The following KCNQ5 variants were observed in gnomAD, a reference collection of about 807,000 sequenced individuals.
KCNQ5 encodes the protein potassium voltage-gated channel subfamily Q member 5, also known as potassium voltage-gated channel subfamily KQT member 5.
KCNQ5 carries 30 observed loss-of-function variants against 98.2 expected under a neutral mutation model. The observed-to-expected ratio is 0.31, with a 90% CI of 0.23 to 0.41. The LOEUF is 0.41. KCNQ5 is among the 10% of genes least tolerant of loss of function. The pLI is 1.00. For missense variants in KCNQ5, 835 were observed against 1,182.5 expected (o/e 0.71, Z 4.31); for synonymous variants, 458 against 449.4 (o/e 1.02, Z -0.24).
intron 1 of KCNQ5, among the ~76,000 whole-genome samples, chr6:72,945,486 G>T (rs1281557227): frequency 4.4e-5 from 6 of 135,160 alleles, no homozygotes; most frequent in Non-Finnish European, 9.1e-5. Context: ...ACAGAGTCTT[G>T]CTCTGTCACC....
At chr6:72,671,981 TA>T (rs1767137797) in intron 1 of KCNQ5, among the ~76,000 whole-genome samples, 1 of 151,760 alleles carries the variant, frequency 6.6e-6, no homozygotes, top group Admixed American at 6.6e-5. Flanking sequence ...CACGCCTGGC[TA>T]ATTTTTTGTA....
intron 1 of KCNQ5, among the ~76,000 whole-genome samples, chr6:72,976,296 C>T (rs969084814): frequency 1.3e-5 from 2 of 152,166 alleles, no homozygotes; most frequent in South Asian, 2.1e-4. Flanking sequence ...AAAATGATTC[C>T]GGCCAGACAA....
intron 3 of KCNQ5, chr6:73,043,084 C>T (rs145744729): frequency 2.8e-5 from 11 of 393,808 alleles, no homozygotes; most frequent in East Asian, 1.5e-4. Context: ...GGAATTGTTG[C>T]GTAATCTTCT....
intron 10 of KCNQ5, among the ~76,000 whole-genome samples, chr6:73,150,832 A>ATGTGTGTGTG (rs35693535): frequency 5.3e-4 from 79 of 148,216 alleles, no homozygotes; most frequent in East Asian, 9.9e-4. Flanking sequence ...ATATATATAT[A>ATGTGTGTGTG]TGTGTGTGTG....
intron 1 of KCNQ5, among the ~76,000 whole-genome samples, chr6:72,999,123 CTGTGCTTG>C (rs1464788465): frequency 6.6e-6 from 1 of 152,166 alleles, no homozygotes; most frequent in African/African-American, 2.4e-5. Flanking sequence ...CTAAATGAAT[CTGTGCTTG>C]ATGCACTAGT....
At chr6:72,645,434 C>A (rs1765548356) in intron 1 of KCNQ5, among the ~76,000 whole-genome samples, 1 of 150,830 alleles carries the variant, frequency 6.6e-6, no homozygotes, top group Non-Finnish European at 1.5e-5. Flanking sequence ...CAATAAAAAA[C>A]CCCACCAAAT....
At chr6:72,901,981 A>G (rs936278518) in intron 1 of KCNQ5, among the ~76,000 whole-genome samples, 2 of 152,200 alleles carry the variant, frequency 1.3e-5, no homozygotes, top group African/African-American at 4.8e-5. Flanking sequence ...ATCCATGAGC[A>G]TGGAATATGT....
chr6:72,935,730 A>G (rs1029473334), intron 1 of KCNQ5, among the ~76,000 whole-genome samples: 4 of 152,086 alleles, frequency 2.6e-5, no homozygotes, highest in African/African-American at 9.7e-5. Context: ...TTCATCTCCC[A>G]TTCACTGTAA....
intron 9 of KCNQ5, among the ~76,000 whole-genome samples, chr6:73,124,980 T>TATATAC (rs1204206268): frequency 1.3e-4 from 3 of 22,832 alleles, no homozygotes; most frequent in Non-Finnish European, 2.2e-4. Context: ...TATATATATA[T>TATATAC]ACACACACAC....
At chr6:72,926,108 G>T (rs966650604) in intron 1 of KCNQ5, among the ~76,000 whole-genome samples, 1 of 152,098 alleles carries the variant, frequency 6.6e-6, no homozygotes, top group East Asian at 1.9e-4. Context: ...GTCAAGAGGT[G>T]GGGGATTGAG....
At chr6:72,737,450 A>C (rs147935149) in intron 1 of KCNQ5, among the ~76,000 whole-genome samples, 2 of 152,154 alleles carry the variant, frequency 1.3e-5, no homozygotes, top group Non-Finnish European at 1.5e-5. Flanking sequence ...TGTGACTTCT[A>C]TCCAGAAAAC....
intron 3 of KCNQ5, among the ~76,000 whole-genome samples, chr6:73,056,482 C>A (rs1355239284): frequency 2.0e-5 from 3 of 152,016 alleles, no homozygotes; most frequent in Non-Finnish European, 2.9e-5. Context: ...TGAAATAGTC[C>A]CACATGTGGT....
chr6:73,159,447 T>G (rs1367327391), intron 10 of KCNQ5, among the ~76,000 whole-genome samples: 1 of 152,184 alleles, frequency 6.6e-6, no homozygotes, highest in Non-Finnish European at 1.5e-5. Flanking sequence ...TTTACCGATA[T>G]AATAAACCTT....
intron 9 of KCNQ5, among the ~76,000 whole-genome samples, chr6:73,127,661 T>G (rs1335406888): frequency 6.6e-6 from 1 of 152,186 alleles, no homozygotes; most frequent in East Asian, 1.9e-4. Context: ...AAAAAGGGAT[T>G]TTGTCTTTCT....
chr6:72,689,600 T>G (rs1768113366), intron 1 of KCNQ5, among the ~76,000 whole-genome samples: 1 of 152,230 alleles, frequency 6.6e-6, no homozygotes, highest in African/African-American at 2.4e-5. Flanking sequence ...GAATTTGTGT[T>G]TAACTAAAAA....
At chr6:72,718,819 A>C (rs1225279358) in intron 1 of KCNQ5, among the ~76,000 whole-genome samples, 1 of 152,126 alleles carries the variant, frequency 6.6e-6, no homozygotes, top group African/African-American at 2.4e-5. Flanking sequence ...GAGAGACTAA[A>C]CAAATGATAG....
chr6:72,665,179 C>G (rs1730399516), intron 1 of KCNQ5, among the ~76,000 whole-genome samples: 1 of 151,830 alleles, frequency 6.6e-6, no homozygotes. Flanking sequence ...GAAACCCTGT[C>G]TCTGCTAAAA....
At chr6:72,804,458 A>G (rs1015511046) in intron 1 of KCNQ5, among the ~76,000 whole-genome samples, 6 of 152,164 alleles carry the variant, frequency 3.9e-5, no homozygotes, top group African/African-American at 1.4e-4. Flanking sequence ...ATTTCATTTA[A>G]CATAATGACT....
chr6:73,184,059 C>G (rs552102121), intron 11 of KCNQ5, among the ~76,000 whole-genome samples: 6 of 152,308 alleles, frequency 3.9e-5, no homozygotes, highest in South Asian at 2.1e-4. Flanking sequence ...CCAACAGGCT[C>G]TTCCCTCTCT....
Sources: gnomAD v4.1 joint callset for allele counts (sites outside exome capture counted in the v4.1 genomes callset) on GRCh38, gnomAD v4.1.1 for gene constraint, MANE v1.5 for transcripts, NCBI Gene and HGNC (gene_info 2026-07-23, HGNC 2026-07-21) for gene names.